The following SEZ6L variants were observed in gnomAD, a reference collection of about 807,000 sequenced individuals.
SEZ6L encodes the protein seizure related 6 homolog like.
Under a neutral mutation model 106.2 loss-of-function variants are expected in SEZ6L, and 37 were observed. The observed-to-expected ratio is 0.35, with a 90% CI of 0.27 to 0.46. SEZ6L has a LOEUF of 0.46. SEZ6L is among the 20% of genes least tolerant of loss of function. SEZ6L has a pLI of 1.00. For synonymous variants in SEZ6L, 541 were observed against 570.4 expected (o/e 0.95, Z 0.73); for missense variants, 1,172 against 1,332.8 (o/e 0.88, Z 1.88).
intron 1 of SEZ6L, among the ~76,000 whole-genome samples, chr22:26,195,423 C>T (rs1442677869): frequency 1.3e-5 from 2 of 152,146 alleles, no homozygotes; most frequent in South Asian, 2.1e-4. Context: ...TCAGTTTAGT[C>T]ATTTCGAAAA....
intron 3 of SEZ6L, among the ~76,000 whole-genome samples, chr22:26,294,723 C>CACACACACACACACACACACGTGCATAA (rs2145888371): frequency 8.3e-5 from 1 of 12,020 alleles, no homozygotes; most frequent in Admixed American, 6.9e-4. Context: ...CGTGCATAAA[C>CACACACACACACACACACACGTGCATAA]ACACACACAC....
intron 11 of SEZ6L, among the ~76,000 whole-genome samples, chr22:26,350,658 T>C (rs962204623): frequency 6.7e-6 from 1 of 148,866 alleles, no homozygotes; most frequent in Non-Finnish European, 1.5e-5. Context: ...TAGGAAACTT[T>C]TTTTTTTTTT....
chr22:26,284,616 A>AAAAAAC (rs2080874031), intron 1 of SEZ6L, among the ~76,000 whole-genome samples: 1 of 149,392 alleles, frequency 6.7e-6, no homozygotes, highest in Non-Finnish European at 1.5e-5. Flanking sequence ...AAAAAAAAAA[A>AAAAAAC]AAAAAAAAAA....
At chr22:26,291,975 AAAAGGAAGGAAG>A (rs1161224629) in intron 1 of SEZ6L, among the ~76,000 whole-genome samples, 1 of 141,918 alleles carries the variant, frequency 7.0e-6, no homozygotes, top group East Asian at 2.1e-4. Flanking sequence ...AGTCTTCAGG[AAAAGGAAGGAAG>A]GAAGGAAGGA....
intron 1 of SEZ6L, among the ~76,000 whole-genome samples, chr22:26,229,848 G>A (rs948911767): frequency 6.6e-6 from 1 of 152,234 alleles, no homozygotes; most frequent in Admixed American, 6.5e-5. Flanking sequence ...AAAGCCAGGT[G>A]CAGGTGTTAA....
intron 8 of SEZ6L, among the ~76,000 whole-genome samples, chr22:26,312,636 G>A (rs1317697119): frequency 1.3e-5 from 2 of 152,078 alleles, no homozygotes; most frequent in Admixed American, 1.3e-4. Context: ...ACAGAGACTC[G>A]CTCGGCTCAC....
intron 9 of SEZ6L, among the ~76,000 whole-genome samples, chr22:26,316,637 G>A (rs1239859159): frequency 6.6e-6 from 1 of 152,038 alleles, no homozygotes; most frequent in Admixed American, 6.6e-5. Flanking sequence ...TTCAAGACCA[G>A]CCCAGCCAAC....
At chr22:26,192,760 C>G (rs1465264366) in intron 1 of SEZ6L, among the ~76,000 whole-genome samples, 1 of 152,156 alleles carries the variant, frequency 6.6e-6, no homozygotes, top group Non-Finnish European at 1.5e-5. Flanking sequence ...TTTTAACATC[C>G]CTCCTGCATT....
intron 2 of SEZ6L, among the ~76,000 whole-genome samples, chr22:26,294,072 C>CT (rs1405868683): frequency 1.3e-5 from 2 of 152,168 alleles, no homozygotes; most frequent in Non-Finnish European, 2.9e-5. Flanking sequence ...TGTTGACTAG[C>CT]TAAAATGGTG....
intron 12 of SEZ6L, 89 bp downstream of exon 12, chr22:26,351,332 G>T (rs1288634443): frequency 1.7e-5 from 21 of 1,263,494 alleles, no homozygotes; most frequent in Admixed American, 2.2e-5. Flanking sequence ...CTGCTAGGAG[G>T]CCTTCTGCTT....
At chr22:26,186,856 G>A (rs939263446) in intron 1 of SEZ6L, among the ~76,000 whole-genome samples, 1 of 152,166 alleles carries the variant, frequency 6.6e-6, no homozygotes, top group Non-Finnish European at 1.5e-5. Flanking sequence ...GGTGTTGGGA[G>A]TTTATTCTCA....
chr22:26,348,652 AAGAAAGAAAG>A (rs1569473675), intron 11 of SEZ6L, among the ~76,000 whole-genome samples: 6 of 44,842 alleles, frequency 1.3e-4, no homozygotes, highest in African/African-American at 2.0e-4. Flanking sequence ...AAGAAAAAGA[AAGAAAGAAAG>A]AAAGAAAGAA....
intron 1 of SEZ6L, among the ~76,000 whole-genome samples, chr22:26,194,025 A>G (rs576202267): frequency 3.8e-4 from 58 of 152,334 alleles, no homozygotes; most frequent in African/African-American, 1.4e-3. Context: ...GCACTGACCC[A>G]GACTGGGAGT....
chr22:26,227,853 G>C (rs1377895797), intron 1 of SEZ6L, among the ~76,000 whole-genome samples: 1 of 152,224 alleles, frequency 6.6e-6, no homozygotes, highest in Non-Finnish European at 1.5e-5. Context: ...TGCCCTCCAG[G>C]ACTGGGCTGC....
chr22:26,322,375 T>A (rs582872), intron 9 of SEZ6L, among the ~76,000 whole-genome samples: 1 of 152,192 alleles, frequency 6.6e-6, no homozygotes, highest in East Asian at 1.9e-4. Flanking sequence ...CTCGGCAATG[T>A]AGCAGCGACA....
At chr22:26,285,988 G>A (rs374745561) in intron 1 of SEZ6L, among the ~76,000 whole-genome samples, 50 of 152,264 alleles carry the variant, frequency 3.3e-4, no homozygotes, top group African/African-American at 1.2e-3. Context: ...TTTATTTTCA[G>A]TTTTGTCCCC....
At chr22:26,302,785 C>T (rs75756492) in intron 5 of SEZ6L, among the ~76,000 whole-genome samples, 4 of 152,138 alleles carry the variant, frequency 2.6e-5, no homozygotes, top group Non-Finnish European at 2.9e-5. Context: ...TGGGGAGCCA[C>T]GGCTGGCAAA....
intron 1 of SEZ6L, among the ~76,000 whole-genome samples, chr22:26,254,584 C>T (rs2079741815): frequency 1.3e-5 from 2 of 152,250 alleles, no homozygotes; most frequent in South Asian, 4.1e-4. Flanking sequence ...TGACACTGCA[C>T]TCCAGCCTGG....
chr22:26,277,870 GT>G (rs944342775), intron 1 of SEZ6L, among the ~76,000 whole-genome samples: 4 of 152,202 alleles, frequency 2.6e-5, no homozygotes, highest in African/African-American at 9.7e-5. Context: ...AAGAAGCCAG[GT>G]AATTATGAGT....
Sources: gnomAD v4.1 joint callset for allele counts (sites outside exome capture counted in the v4.1 genomes callset) on GRCh38, gnomAD v4.1.1 for gene constraint, MANE v1.5 for transcripts, NCBI Gene and HGNC (gene_info 2026-07-23, HGNC 2026-07-21) for gene names.